The following MAPKAPK2 variants were observed in gnomAD, a reference collection of about 807,000 sequenced individuals.
The protein encoded by MAPKAPK2 is MAP kinase-activated protein kinase 2.
Under a neutral mutation model 48.8 loss-of-function variants are expected in MAPKAPK2, and 9 were observed. The observed-to-expected ratio is 0.18, with a 90% CI of 0.11 to 0.32. The LOEUF (loss-of-function observed/expected upper bound fraction) is 0.32, where lower values mean the gene tolerates loss of function less well. Ranked by LOEUF, MAPKAPK2 falls within the 10% of genes least tolerant of loss-of-function variation. MAPKAPK2 has a pLI of 1.00. For missense variants in MAPKAPK2, 331 were observed against 498.3 expected (o/e 0.66, Z 3.20); for synonymous variants, 202 against 190.6 (o/e 1.06, Z -0.49).
chr1:206,708,072 T>C (rs1406542081), intron 1 of MAPKAPK2, among the ~76,000 whole-genome samples: 4 of 152,224 alleles, frequency 2.6e-5, no homozygotes, highest in African/African-American at 9.6e-5. Flanking sequence ...GGCAGGGACT[T>C]ACTTGCTCTG....
intron 1 of MAPKAPK2, among the ~76,000 whole-genome samples, chr1:206,718,938 G>T (rs1051812878): frequency 2.6e-5 from 4 of 152,110 alleles, no homozygotes; most frequent in Non-Finnish European, 2.9e-5. Flanking sequence ...TTTCTCCCCA[G>T]ATCTTTGCAT....
chr1:206,723,564 AGTCTT>A (rs1673610738), intron 1 of MAPKAPK2, among the ~76,000 whole-genome samples: 2 of 152,140 alleles, frequency 1.3e-5, no homozygotes, highest in Non-Finnish European at 2.9e-5. Context: ...GCTCCTTCCC[AGTCTT>A]GTCTTCATGT....
chr1:206,690,627 G>A (rs1002198385), intron 1 of MAPKAPK2, among the ~76,000 whole-genome samples: 1 of 152,228 alleles, frequency 6.6e-6, no homozygotes, highest in Non-Finnish European at 1.5e-5. Flanking sequence ...GGAGGGCCTG[G>A]AAGAGCCCAG....
chr1:206,723,020 C>T (rs1553431436), intron 1 of MAPKAPK2, among the ~76,000 whole-genome samples: 1 of 152,258 alleles, frequency 6.6e-6, no homozygotes, highest in Non-Finnish European at 1.5e-5. Flanking sequence ...TACCGCACCA[C>T]ACACCCACAA....
At chr1:206,725,237 C>T (rs1333444156) in intron 1 of MAPKAPK2, among the ~76,000 whole-genome samples, 1 of 152,164 alleles carries the variant, frequency 6.6e-6, no homozygotes, top group African/African-American at 2.4e-5. Context: ...TTGCAGTGAG[C>T]GCTTGGAATT....
intron 1 of MAPKAPK2, among the ~76,000 whole-genome samples, chr1:206,722,790 C>A (rs1490079153): frequency 2.6e-5 from 4 of 152,354 alleles, no homozygotes; most frequent in African/African-American, 9.6e-5. Flanking sequence ...CTGAGGCTCA[C>A]CTGCAGCAGC....
rs1553432895 is a variant in MAPKAPK2 at position 206,732,549 on chromosome 1, C to T, written c.1060-26C>T. On this transcript the variant is annotated intron_variant, in intron 9 of 9. Transcript: ENST00000367103. This position sits in a 1 kb window ranked among gnomAD's most constrained non-coding sequence, Gnocchi z 4.4. ...ACCTGTCTTCTGGCTCTCTCTGTACCCTTCCTGGTGCTGCCGTGCCCCCAG... is the reference window on the plus strand; with the variant it reads ...ACCTGTCTTCTGGCTCTCTCTGTACTCTTCCTGGTGCTGCCGTGCCCCCAG... The T allele has an allele frequency of 6.2e-7, 1 of 1,612,732 alleles. No individual in the cohort carries two copies. The highest frequency in any genetic ancestry group is 8.5e-7 in the Non-Finnish European group (1 of 1,179,488).
Position 206,731,325 on chromosome 1 carries a change from T to C in MAPKAPK2, c.892+63T>C. 6.2e-7 allele frequency: 1 copy of C among 1,604,352 alleles called. No homozygotes were observed. Among genetic ancestry groups the C allele is most frequent in the Non-Finnish European group, 8.5e-7 (1 of 1,174,676 alleles). On this transcript the variant is annotated intron_variant, in intron 7 of 9. Coordinates refer to ENST00000367103, the MANE Select transcript of MAPKAPK2 (RefSeq NM_032960.4). This position sits in a 1 kb window ranked among gnomAD's most constrained non-coding sequence, Gnocchi z 5.9. Reference sequence around the variant, plus strand: ...GTGTGTGTGTGTGTGTGTGTATGTGTGTACACGCAGACACATGTATGGGCC... The same window carrying C: ...GTGTGTGTGTGTGTGTGTGTATGTGCGTACACGCAGACACATGTATGGGCC...
At chr1:206,692,853 G>C (rs575656962) in intron 1 of MAPKAPK2, among the ~76,000 whole-genome samples, 22 of 152,340 alleles carry the variant, frequency 1.4e-4, no homozygotes, top group African/African-American at 5.3e-4. Flanking sequence ...GTGGTGGCCA[G>C]AGGCGGAAGC....
chr1:206,707,733 G>C (rs781958259), intron 1 of MAPKAPK2, among the ~76,000 whole-genome samples: 5 of 152,120 alleles, frequency 3.3e-5, no homozygotes, highest in Non-Finnish European at 7.4e-5. Context: ...TAGGGCATGG[G>C]GCTCCTGCTC....
Position 206,731,794 on chromosome 1 carries a change from A to G in MAPKAPK2, c.979-45A>G. The G allele has an allele frequency of 1.2e-6, 2 of 1,608,788 alleles. No individual in the cohort carries two copies. The highest frequency in any genetic ancestry group is 4.5e-5 in the East Asian group (2 of 44,840). ...TCCACAGGACAGAGTCTTAGCCAGG[A>G]CCCTACCCCAGGCTTTCACTCGGAC... On this transcript the variant is annotated intron_variant, in intron 8 of 9. Transcript: ENST00000367103. This position sits in a 1 kb window ranked among gnomAD's most constrained non-coding sequence, Gnocchi z 5.9.
chr1:206,694,358 C>T (rs1458376795), intron 1 of MAPKAPK2, among the ~76,000 whole-genome samples: 1 of 152,198 alleles, frequency 6.6e-6, no homozygotes, highest in Admixed American at 6.5e-5. Flanking sequence ...CTTCTCCCAC[C>T]TCTCCCCTGG....
intron 1 of MAPKAPK2, chr1:206,695,768 C>T: frequency 4.7e-6 from 1 of 213,476 alleles, no homozygotes; most frequent in South Asian, 4.8e-5. Flanking sequence ...CTCTCTCTCT[C>T]TCTCTTTTTT....
At chr1:206,719,364 G>A (rs1673441892) in intron 1 of MAPKAPK2, among the ~76,000 whole-genome samples, 1 of 152,186 alleles carries the variant, frequency 6.6e-6, no homozygotes, top group African/African-American at 2.4e-5. Context: ...TTGTTTTAAG[G>A]CTTTTGGTAC....
chr1:206,686,964 T>C (rs1012910779), intron 1 of MAPKAPK2, among the ~76,000 whole-genome samples: 2 of 152,214 alleles, frequency 1.3e-5, no homozygotes, highest in Non-Finnish European at 2.9e-5. Context: ...TCTCTTTCCC[T>C]ACTCATAACT....
Position 206,732,182 on chromosome 1 carries a change from T to G in MAPKAPK2, c.1059+263T>G. 1 of 1,594,632 alleles carries G rather than the reference T, an allele frequency of 6.3e-7. No homozygotes were observed. Among genetic ancestry groups the G allele is most frequent in the Non-Finnish European group, 8.6e-7 (1 of 1,164,992 alleles). ...CTCTAATGGGACCTTAAAGACCATC[T>G]GGTATCATCTTCTCATTTTGCAGAA... On this transcript the variant is annotated intron_variant, in intron 9 of 9. Coordinates refer to ENST00000367103, the MANE Select transcript of MAPKAPK2 (RefSeq NM_032960.4). The surrounding 1 kb of genome is among the most constrained non-coding windows in gnomAD (Gnocchi z 4.4).
chr1:206,709,152 C>CT (rs782556355), intron 1 of MAPKAPK2, among the ~76,000 whole-genome samples: 6 of 152,172 alleles, frequency 3.9e-5, no homozygotes, highest in Non-Finnish European at 7.3e-5. Flanking sequence ...CTTATTGTTC[C>CT]TATCTGACTC....
In MAPKAPK2 at chr1:206,685,022, G is replaced by T. The variant is rs1672231656; in HGVS notation, c.-208G>T. The T allele has an allele frequency of 6.2e-6, 1 of 160,056 alleles. No individual in the cohort carries two copies. Among genetic ancestry groups the T allele is most frequent in the South Asian group, 2.0e-4 (1 of 4,900 alleles). The allele number at this position is 160,056 out of a possible 1,614,324, so 9.9% of individuals were successfully genotyped here. The stretch of plus-strand genomic sequence containing the variant: ...AGGCCCCCGGGGGGAGGGAGGGAGG[G>T]CGCCGGGCCGGTGGGAGCCAGCGGC... On this transcript the variant is annotated 5_prime_UTR_variant, in exon 1 of 10. Transcript: ENST00000367103.
intron 1 of MAPKAPK2, among the ~76,000 whole-genome samples, chr1:206,710,608 A>G (rs1193369215): frequency 1.3e-5 from 2 of 152,258 alleles, no homozygotes; most frequent in Non-Finnish European, 2.9e-5. Context: ...TGAAGGTGGC[A>G]TGTCAGCATA....
Sources: gnomAD v4.1 joint callset for allele counts (sites outside exome capture counted in the v4.1 genomes callset) on GRCh38, gnomAD v4.1.1 for gene constraint, Gnocchi (gnomAD v3.1) non-coding constraint, MANE v1.5 for transcripts, NCBI Gene and HGNC (gene_info 2026-07-23, HGNC 2026-07-21) for gene names.